Variants in KCNJ3 observed in about 807,000 individuals in gnomAD.
The protein encoded by KCNJ3 is potassium inwardly rectifying channel subfamily J member 3, also known as G protein-activated inward rectifier potassium channel 1.
Under a neutral mutation model 39.2 loss-of-function variants are expected in KCNJ3, and 4 were observed. That is an observed-to-expected ratio of 0.10 (90% CI 0.05 to 0.23). The LOEUF (loss-of-function observed/expected upper bound fraction) is 0.23. KCNJ3 is among the 10% of genes least tolerant of loss of function. The pLI is 1.00. For missense variants in KCNJ3, 276 were observed against 634.9 expected (o/e 0.43, Z 6.08); for synonymous variants, 230 against 237.4 (o/e 0.97, Z 0.29).
intron 1 of KCNJ3, among the ~76,000 whole-genome samples, chr2:154,705,711 A>C (rs1449786558): frequency 6.6e-6 from 1 of 152,154 alleles, no homozygotes; most frequent in Non-Finnish European, 1.5e-5. Context: ...CCACAACCAA[A>C]ATTGTACAGA....
chr2:154,710,548 A>T (rs1685086433), intron 2 of KCNJ3, among the ~76,000 whole-genome samples: 1 of 152,092 alleles, frequency 6.6e-6, no homozygotes, highest in South Asian at 2.1e-4. Context: ...GGGCCTACAC[A>T]TTGCTTAGTT....
chr2:154,847,404 T>A (rs1687680123), intron 2 of KCNJ3, among the ~76,000 whole-genome samples: 1 of 152,156 alleles, frequency 6.6e-6, no homozygotes, highest in Non-Finnish European at 1.5e-5. Flanking sequence ...ACAGCTATAG[T>A]CCTCATTTAA....
chr2:154,841,915 CT>C (rs1687583649), intron 2 of KCNJ3, among the ~76,000 whole-genome samples: 1 of 151,370 alleles, frequency 6.6e-6, no homozygotes, highest in Non-Finnish European at 1.5e-5. Context: ...TTTTTGAAGG[CT>C]TTTTTATGTC....
chr2:154,771,146 C>T (rs1186409804), intron 2 of KCNJ3, among the ~76,000 whole-genome samples: 1 of 152,072 alleles, frequency 6.6e-6, no homozygotes, highest in Non-Finnish European at 1.5e-5. Context: ...CCGCCTCGGC[C>T]TCCCAGAGTG....
intron 2 of KCNJ3, among the ~76,000 whole-genome samples, chr2:154,801,385 C>T (rs970038108): frequency 6.6e-6 from 1 of 152,104 alleles, no homozygotes; most frequent in Admixed American, 6.5e-5. Context: ...AAAGAGAACA[C>T]ATGTATCAAT....
At chr2:154,730,734 T>C (rs764393180) in intron 2 of KCNJ3, among the ~76,000 whole-genome samples, 1 of 152,100 alleles carries the variant, frequency 6.6e-6, no homozygotes, top group Admixed American at 6.6e-5. Context: ...ACCTTAATCA[T>C]GCTCACATGA....
chr2:154,849,269 A>G (rs1687715119), intron 2 of KCNJ3, among the ~76,000 whole-genome samples: 2 of 152,164 alleles, frequency 1.3e-5, no homozygotes, highest in African/African-American at 4.8e-5. Flanking sequence ...ATAATCCTAT[A>G]GAGATATTAT....
chr2:154,791,629 C>T (rs761098203), intron 2 of KCNJ3, among the ~76,000 whole-genome samples: 1 of 151,960 alleles, frequency 6.6e-6, no homozygotes, highest in East Asian at 1.9e-4. Flanking sequence ...GGTATAAAAG[C>T]TCTGAAATAG....
At chr2:154,778,641 G>A (rs544854772) in intron 2 of KCNJ3, among the ~76,000 whole-genome samples, 1 of 152,014 alleles carries the variant, frequency 6.6e-6, no homozygotes, top group Non-Finnish European at 1.5e-5. Context: ...TGGTGCAATA[G>A]GTTTAGGAAC....
intron 2 of KCNJ3, among the ~76,000 whole-genome samples, chr2:154,851,943 TA>T (rs942461926): frequency 2.0e-5 from 3 of 151,768 alleles, no homozygotes; most frequent in East Asian, 3.9e-4. Flanking sequence ...AATGTGAAAA[TA>T]AAAAAAAGCC....
intron 2 of KCNJ3, among the ~76,000 whole-genome samples, chr2:154,779,391 C>A (rs1686394614): frequency 1.3e-5 from 2 of 149,026 alleles, no homozygotes; most frequent in South Asian, 4.2e-4. Context: ...GGACTCAAAT[C>A]CTTGGAGACT....
chr2:154,794,733 A>G (rs1686691653), intron 2 of KCNJ3, among the ~76,000 whole-genome samples: 1 of 152,018 alleles, frequency 6.6e-6, no homozygotes, highest in Non-Finnish European at 1.5e-5. Flanking sequence ...AGCACAAAAC[A>G]TTGTTGAAAA....
intron 2 of KCNJ3, among the ~76,000 whole-genome samples, chr2:154,813,405 G>A (rs1687033280): frequency 6.6e-6 from 1 of 152,066 alleles, no homozygotes; most frequent in African/African-American, 2.4e-5. Context: ...ATCATGCATG[G>A]AGCCCTGGAT....
chr2:154,757,531 G>A (rs938167474), intron 2 of KCNJ3, among the ~76,000 whole-genome samples: 8 of 151,574 alleles, frequency 5.3e-5, no homozygotes, highest in African/African-American at 1.2e-4. Flanking sequence ...TTTTCTCCAC[G>A]AGATCTTATT....
intron 2 of KCNJ3, among the ~76,000 whole-genome samples, chr2:154,799,346 G>C (rs1686771906): frequency 6.6e-6 from 1 of 152,136 alleles, no homozygotes; most frequent in South Asian, 2.1e-4. Flanking sequence ...CACCATGTTG[G>C]CCAGACTGGT....
In KCNJ3 at chr2:154,855,808, T is replaced by C. The variant is rs557465320; in HGVS notation, c.*495T>C. 3.9e-5 allele frequency: 6 copies of C among 152,528 alleles called. No individual in the cohort carries two copies. Among genetic ancestry groups the C allele is most frequent in the African/African-American group, 1.4e-4 (6 of 41,502 alleles). The allele number at this position is 152,528 out of a possible 1,614,324, so 9.4% of individuals were successfully genotyped here. ...ATACACATACATACATACATACATA[T>C]ATATCTGATAAAATTGTGATGTTTT... is the stretch of plus-strand genomic sequence containing the variant. On this transcript the variant is annotated 3_prime_UTR_variant, in exon 3 of 3. Coordinates refer to ENST00000295101, the MANE Select transcript of KCNJ3 (RefSeq NM_002239.4).
In KCNJ3 at chr2:154,855,483, T is replaced by A. The variant is rs1687821307; in HGVS notation, c.*170T>A. 7.0e-6 allele frequency: 4 copies of A among 571,334 alleles called. No homozygotes were observed. The highest frequency in any genetic ancestry group is 9.3e-6 in the Non-Finnish European group (3 of 323,946). 35.4% of individuals were successfully genotyped at this position (571,334 alleles called of 1,614,324 possible). A position where few individuals can be genotyped will look rare whatever the true frequency, so the allele number is the denominator to read the frequency against. ...ATTGCGAATGTGCAGAAAGCAACAGTTACGGAGGGAGGACATCATAAGGAA... is the reference window on the plus strand; with the variant it reads ...ATTGCGAATGTGCAGAAAGCAACAGATACGGAGGGAGGACATCATAAGGAA... On this transcript the variant is annotated 3_prime_UTR_variant, in exon 3 of 3. Transcript: ENST00000295101.
At chr2:154,734,876 ATGT>A (rs1453680792) in intron 2 of KCNJ3, among the ~76,000 whole-genome samples, 2 of 152,340 alleles carry the variant, frequency 1.3e-5, no homozygotes, top group East Asian at 1.9e-4. Flanking sequence ...AACGGCTGAG[ATGT>A]TGTCAGAGTA....
At chr2:154,777,538 A>G (rs1686359637) in intron 2 of KCNJ3, among the ~76,000 whole-genome samples, 1 of 152,020 alleles carries the variant, frequency 6.6e-6, no homozygotes, top group Non-Finnish European at 1.5e-5. Flanking sequence ...CTCCCTCTTC[A>G]TTTCCTGCCT....
Sources: allele counts gnomAD v4.1 joint callset (sites outside exome capture counted in the v4.1 genomes callset), GRCh38; gene constraint gnomAD v4.1.1; transcripts MANE v1.5; gene names NCBI Gene and HGNC (gene_info 2026-07-23, HGNC 2026-07-21).